ZNF420: variants seen among roughly 807,000 people sequenced by gnomAD.
The protein encoded by ZNF420 is zinc finger protein 420.
Under a neutral mutation model 44.7 loss-of-function variants are expected in ZNF420, and 31 were observed. The ratio of observed to expected loss-of-function variants is 0.69; its 90% CI spans 0.52 to 0.94. The LOEUF is 0.94. ZNF420 is among the 40% of genes least tolerant of loss of function. ZNF420 has a pLI of 0.00. For missense variants in ZNF420, 681 were observed against 827.9 expected (o/e 0.82, Z 2.18); for synonymous variants, 245 against 267.4 (o/e 0.92, Z 0.82).
chr19:37,010,474 C>A (rs952073958), intron 1 of ZNF420, among the ~76,000 whole-genome samples: 3 of 152,014 alleles, frequency 2.0e-5, no homozygotes, highest in Admixed American at 1.3e-4. Flanking sequence ...TTGCCTGGGG[C>A]TATGTGTTTC....
intron 4 of ZNF420, among the ~76,000 whole-genome samples, chr19:37,104,814 G>A (rs1194522906): frequency 6.6e-6 from 1 of 152,174 alleles, no homozygotes; most frequent in Non-Finnish European, 1.5e-5. Context: ...CTTTTGAGAA[G>A]TGTCTGTTCA....
chr19:37,008,564 G>A (rs1238026185), intron 1 of ZNF420, among the ~76,000 whole-genome samples: 4 of 152,156 alleles, frequency 2.6e-5, no homozygotes, highest in Admixed American at 1.3e-4. Flanking sequence ...GGAGCAGACC[G>A]ACGTCAAAGA....
In ZNF420 at chr19:37,127,767, C is replaced by T; in HGVS notation, c.776C>T (p.Ala259Val). The T allele has an allele frequency of 1.2e-6, 2 of 1,613,932 alleles. No homozygotes were observed. Among genetic ancestry groups the T allele is most frequent in the South Asian group, 2.2e-5 (2 of 91,078 alleles). The change falls in exon 5 of 5, where the codon GCC becomes GTC. Residue 259 changes from alanine to valine, a missense_variant. Ala to Val is a moderately conservative substitution (Grantham distance 64, BLOSUM62 0). Coordinates refer to ENST00000337995, the MANE Select transcript of ZNF420 (RefSeq NM_144689.5). ...KPYECKECGKAFTQNSQLTLH... is the reference protein window; with the variant it reads ...KPYECKECGKVFTQNSQLTLH... ...TATGAATGTAAAGAATGTGGGAAGG[C>T]CTTTACTCAGAATTCACAACTTACA...
At chr19:37,016,787 AT>A (rs960362659) in intron 1 of ZNF420, among the ~76,000 whole-genome samples, 34 of 152,214 alleles carry the variant, frequency 2.2e-4, no homozygotes, top group African/African-American at 8.2e-4. Flanking sequence ...TCGGAGGATG[AT>A]TTTGGTAGTA....
intron 1 of ZNF420, among the ~76,000 whole-genome samples, chr19:37,065,478 G>T (rs1307361486): frequency 6.6e-6 from 1 of 152,230 alleles, no homozygotes; most frequent in Non-Finnish European, 1.5e-5. Flanking sequence ...GCTGGCTTTT[G>T]AGATGGAGGA....
intron 1 of ZNF420, among the ~76,000 whole-genome samples, chr19:37,009,411 CT>C (rs1216490023): frequency 4.6e-5 from 7 of 152,290 alleles, no homozygotes; most frequent in Non-Finnish European, 7.4e-5. Flanking sequence ...GGGAGGTCAC[CT>C]GTGCCCCCCT....
At chr19:37,061,070 C>T (rs1265750289) in intron 1 of ZNF420, among the ~76,000 whole-genome samples, 1 of 152,100 alleles carries the variant, frequency 6.6e-6, no homozygotes. Flanking sequence ...TCGTTGGCAT[C>T]GATGGAAAGG....
At chr19:37,012,248 T>G (rs2074575014) in intron 1 of ZNF420, among the ~76,000 whole-genome samples, 1 of 152,156 alleles carries the variant, frequency 6.6e-6, no homozygotes, top group Non-Finnish European at 1.5e-5. Context: ...CCAGGTGCCC[T>G]CCTACCGCCG....
intron 1 of ZNF420, among the ~76,000 whole-genome samples, chr19:37,069,531 C>T (rs547302576): frequency 6.6e-6 from 1 of 152,166 alleles, no homozygotes; most frequent in African/African-American, 2.4e-5. Flanking sequence ...CTTAGCATAA[C>T]CTACTTTAAA....
At chr19:37,104,804 C>T (rs1317844104) in intron 4 of ZNF420, among the ~76,000 whole-genome samples, 1 of 152,170 alleles carries the variant, frequency 6.6e-6, no homozygotes, top group East Asian at 1.9e-4. Flanking sequence ...TAAATGTCTT[C>T]TTTTGAGAAG....
In ZNF420 at chr19:37,009,921, C is replaced by T. The variant is rs184416214; in HGVS notation, c.-125+1839C>T. Reference sequence around the variant, plus strand: ...CTCCTGCGAGTCCGGCCCTAGGGCGCCCGCAGCCCCCACTCCCTCGCCGCC... The same window carrying T: ...CTCCTGCGAGTCCGGCCCTAGGGCGTCCGCAGCCCCCACTCCCTCGCCGCC... On this transcript the variant is annotated intron_variant, in intron 1 of 4. Transcript: ENST00000587029. Among the ~76,000 whole-genome samples the T allele has an allele frequency of 4.5e-3, 690 of 152,214 alleles. 2 individuals are homozygous for T. Among genetic ancestry groups the T allele is most frequent in the South Asian group, 6.8e-3 (33 of 4,820 alleles).
At chr19:37,055,536 G>A (rs192252259) in intron 1 of ZNF420, among the ~76,000 whole-genome samples, 24 of 152,266 alleles carry the variant, frequency 1.6e-4, no homozygotes, top group African/African-American at 4.1e-4. Flanking sequence ...AGGAGCCCCC[G>A]TCCACGCAGA....
chr19:37,038,316 C>T (rs1407153205), intron 1 of ZNF420, among the ~76,000 whole-genome samples: 1 of 152,168 alleles, frequency 6.6e-6, no homozygotes, highest in Admixed American at 6.5e-5. Context: ...GTGTTGATGG[C>T]TACTGACTTA....
At chr19:37,072,487 C>A (rs1292099778) in intron 1 of ZNF420, among the ~76,000 whole-genome samples, 1 of 152,188 alleles carries the variant, frequency 6.6e-6, no homozygotes, top group Non-Finnish European at 1.5e-5. Flanking sequence ...GAGAAGATGT[C>A]CTTCCCTAGC....
intron 1 of ZNF420, among the ~76,000 whole-genome samples, chr19:37,032,524 G>A (rs1399121890): frequency 9.1e-6 from 1 of 109,452 alleles, no homozygotes; most frequent in Non-Finnish European, 2.0e-5. Context: ...AAAAAAAAAA[G>A]GCTGGGTGCC....
intron 1 of ZNF420, among the ~76,000 whole-genome samples, chr19:37,071,762 C>T (rs1188775242): frequency 1.3e-5 from 2 of 152,026 alleles, no homozygotes; most frequent in African/African-American, 2.4e-5. Context: ...GATCCTGCCA[C>T]TGCACTCCAG....
intron 1 of ZNF420, among the ~76,000 whole-genome samples, chr19:37,048,049 G>T (rs1299013505): frequency 6.6e-6 from 1 of 152,152 alleles, no homozygotes. Flanking sequence ...AACATTTGGG[G>T]AGCTTTGATT....
chr19:37,058,431 G>T (rs1967798657), intron 1 of ZNF420, among the ~76,000 whole-genome samples: 2 of 152,100 alleles, frequency 1.3e-5, no homozygotes, highest in Non-Finnish European at 2.9e-5. Flanking sequence ...TCTGCTTCTG[G>T]ATGGACTGCC....
intron 4 of ZNF420, among the ~76,000 whole-genome samples, chr19:37,121,498 G>A (rs1029517803): frequency 2.0e-5 from 3 of 151,454 alleles, no homozygotes; most frequent in African/African-American, 2.4e-5. Context: ...AGACTTAAAC[G>A]TTAGACCTAA....
Sources: allele counts gnomAD v4.1 joint callset (sites outside exome capture counted in the v4.1 genomes callset), GRCh38; gene constraint gnomAD v4.1.1; transcripts MANE v1.5; gene names NCBI Gene and HGNC (gene_info 2026-07-23, HGNC 2026-07-21).